CHCHD6: variants seen among roughly 807,000 people sequenced by gnomAD.
The protein encoded by CHCHD6 is coiled-coil-helix-coiled-coil-helix domain containing 6, also known as MICOS complex subunit MIC25.
Under a neutral mutation model 32.3 loss-of-function variants are expected in CHCHD6, and 28 were observed. That is an observed-to-expected ratio of 0.87 (90% CI 0.64 to 1.19). The LOEUF (loss-of-function observed/expected upper bound fraction) is 1.19, where lower values mean the gene tolerates loss of function less well. CHCHD6 is among the 50% of genes most tolerant of loss of function. The pLI is 0.00. For missense variants in CHCHD6, 333 were observed against 307.0 expected, an observed-to-expected ratio of 1.08 and a Z score of -0.63; for synonymous variants, 122 against 117.5, an observed-to-expected ratio of 1.04 and a Z score of -0.25.
chr3:126,778,591 G>A (rs1029213492), intron 4 of CHCHD6, among the ~76,000 whole-genome samples: 1 of 152,090 alleles, frequency 6.6e-6, no homozygotes, highest in African/African-American at 2.4e-5. Context: ...CAGATCCTTT[G>A]TCCATTTTTA....
At chr3:126,941,003 G>A (rs1194851250) in intron 6 of CHCHD6, among the ~76,000 whole-genome samples, 1 of 152,022 alleles carries the variant, frequency 6.6e-6, no homozygotes, top group Non-Finnish European at 1.5e-5. Flanking sequence ...TTTGCTTGTT[G>A]GAAGTTGATG....
At chr3:126,762,570 T>G (rs1484774186) in intron 4 of CHCHD6, among the ~76,000 whole-genome samples, 2 of 152,186 alleles carry the variant, frequency 1.3e-5, no homozygotes, top group Non-Finnish European at 2.9e-5. Flanking sequence ...TGGGGAGTGT[T>G]CTACATATGT....
intron 4 of CHCHD6, among the ~76,000 whole-genome samples, chr3:126,748,332 C>T (rs1335356843): frequency 2.6e-5 from 4 of 152,152 alleles, no homozygotes; most frequent in Non-Finnish European, 4.4e-5. Flanking sequence ...CAGTGGCTCA[C>T]GCCTGTAATC....
At chr3:126,807,566 G>A (rs765332356) in intron 4 of CHCHD6, among the ~76,000 whole-genome samples, 11 of 152,252 alleles carry the variant, frequency 7.2e-5, no homozygotes, top group Non-Finnish European at 1.3e-4. Context: ...AACAGTAGCA[G>A]TACCAGAAAG....
intron 4 of CHCHD6, among the ~76,000 whole-genome samples, chr3:126,747,662 T>A (rs1428629943): frequency 2.0e-5 from 3 of 152,184 alleles, no homozygotes; most frequent in Non-Finnish European, 4.4e-5. Flanking sequence ...GATTTCATCA[T>A]GACTCAATTC....
chr3:126,818,359 G>T (rs1939999111), intron 4 of CHCHD6, among the ~76,000 whole-genome samples: 1 of 152,162 alleles, frequency 6.6e-6, no homozygotes, highest in South Asian at 2.1e-4. Flanking sequence ...GTAAACTCCT[G>T]CAGAGTTGTG....
At chr3:126,732,202 T>C (rs1330270061) in intron 3 of CHCHD6, among the ~76,000 whole-genome samples, 2 of 151,864 alleles carry the variant, frequency 1.3e-5, no homozygotes, top group South Asian at 2.1e-4. Flanking sequence ...TTAGAAAATA[T>C]ACAAAGTGAA....
At chr3:126,828,822 G>A (rs1170879482) in intron 4 of CHCHD6, among the ~76,000 whole-genome samples, 2 of 152,114 alleles carry the variant, frequency 1.3e-5, no homozygotes, top group African/African-American at 2.4e-5. Context: ...TGTACCACTC[G>A]GTAATGTCCC....
intron 4 of CHCHD6, among the ~76,000 whole-genome samples, chr3:126,842,338 G>A (rs943570507): frequency 6.6e-6 from 1 of 152,306 alleles, no homozygotes; most frequent in African/African-American, 2.4e-5. Flanking sequence ...GCTAGGATCT[G>A]CCTTTTATCA....
chr3:126,784,309 T>C (rs907781606), intron 4 of CHCHD6, among the ~76,000 whole-genome samples: 1 of 152,184 alleles, frequency 6.6e-6, no homozygotes, highest in Non-Finnish European at 1.5e-5. Context: ...TATTGAACTT[T>C]CTCTTTCCTT....
At chr3:126,772,420 C>G (rs1576397484) in intron 4 of CHCHD6, among the ~76,000 whole-genome samples, 2 of 152,272 alleles carry the variant, frequency 1.3e-5, no homozygotes, top group East Asian at 3.9e-4. Context: ...AACCTGGGTG[C>G]TCCTGTGTTG....
At chr3:126,920,789 T>C (rs557978947) in intron 6 of CHCHD6, among the ~76,000 whole-genome samples, 40 of 152,308 alleles carry the variant, frequency 2.6e-4, no homozygotes, top group Non-Finnish European at 5.3e-4. Context: ...GCTATTTGCC[T>C]GACATTCACC....
intron 4 of CHCHD6, among the ~76,000 whole-genome samples, chr3:126,795,459 CTGAGT>C (rs904477014): frequency 6.6e-6 from 1 of 152,104 alleles, no homozygotes; most frequent in Non-Finnish European, 1.5e-5. Flanking sequence ...GTTTTTCTTT[CTGAGT>C]TAAGAATTGG....
intron 6 of CHCHD6, among the ~76,000 whole-genome samples, chr3:126,929,373 T>G (rs2078370304): frequency 6.6e-6 from 1 of 152,178 alleles, no homozygotes; most frequent in Admixed American, 6.5e-5. Flanking sequence ...GTCTGCTGTC[T>G]CCTTGGCTGG....
At chr3:126,864,192 T>G (rs1942136928) in intron 5 of CHCHD6, among the ~76,000 whole-genome samples, 1 of 113,838 alleles carries the variant, frequency 8.8e-6, no homozygotes, top group Non-Finnish European at 1.8e-5. Context: ...CTCCCCCTCC[T>G]CCACCATCAC....
intron 1 of CHCHD6, among the ~76,000 whole-genome samples, chr3:126,709,756 G>A (rs890120738): frequency 5.9e-5 from 9 of 152,156 alleles, no homozygotes; most frequent in Admixed American, 1.3e-4. Context: ...GATGTTGAGC[G>A]TCTCTTCATG....
chr3:126,893,376 A>T (rs2077792915), intron 5 of CHCHD6, among the ~76,000 whole-genome samples: 2 of 152,224 alleles, frequency 1.3e-5, no homozygotes, highest in South Asian at 4.1e-4. Context: ...GAGGTGTCTC[A>T]TAGCCCTGAG....
chr3:126,726,784 A>G (rs1935554944), intron 1 of CHCHD6, among the ~76,000 whole-genome samples: 1 of 152,088 alleles, frequency 6.6e-6, no homozygotes, highest in African/African-American at 2.4e-5. Context: ...GAGGTGAGAA[A>G]AGTGAGACAT....
In CHCHD6 at chr3:126,704,327, G is replaced by T; in HGVS notation, c.15G>T (p.Glu5Asp). The change falls in exon 1 of 8, where the codon GAG (glutamate) becomes GAT (aspartate). Residue 5 changes from glutamate to aspartate, a missense_variant. Physicochemically the swap from Glu to Asp is conservative, Grantham distance 45. Transcript: ENST00000290913. MGST[E>D]SSEGRRVSFG... is the part of the protein sequence containing the mutation. ...GGCATCTCGCCATGGGGAGCACGGA[G>T]AGCAGCGAGGGCCGCAGGGTGTCCT... 1 of 1,603,888 alleles carries T rather than the reference G, an allele frequency of 6.2e-7. No individual in the cohort carries two copies. The highest frequency in any genetic ancestry group is 8.5e-7 in the Non-Finnish European group (1 of 1,177,108).
Sources: gnomAD v4.1 joint callset for allele counts (sites outside exome capture counted in the v4.1 genomes callset) on GRCh38, gnomAD v4.1.1 for gene constraint, MANE v1.5 for transcripts, NCBI Gene and HGNC (gene_info 2026-07-23, HGNC 2026-07-21) for gene names.